Variants in PHF24 observed in about 807,000 individuals in gnomAD.
PHF24 encodes the protein Galpha inhibitory interacting protein.
PHF24 carries 25 observed loss-of-function variants against 42.6 expected under a neutral mutation model. That is an observed-to-expected ratio of 0.59 (90% CI 0.43 to 0.82). The LOEUF is 0.82. Among genes scored for constraint, PHF24 ranks in the 40% least tolerant of loss-of-function variants. The probability of loss-of-function intolerance (pLI) is 0.00; values close to 1 mark genes in which losing one functional copy is unlikely to be tolerated. For missense variants in PHF24, 470 were observed against 538.1 expected, an observed-to-expected ratio of 0.87 and a Z score of 1.25; for synonymous variants, 185 against 204.8, an observed-to-expected ratio of 0.90 and a Z score of 0.83.
At chr9:34,675,407 CAAATTACTCAACTTCTG>C in the PHF24 span, among the ~76,000 whole-genome samples, 1 of 152,150 alleles carries the variant, frequency 6.6e-6, no homozygotes, top group African/African-American at 2.4e-5. Context: ...AGCAAGAAAC[CAAATTACTCAACTTCTG>C]AAAGTCCCTG....
the PHF24 span, among the ~76,000 whole-genome samples, chr9:34,739,386 C>T: frequency 1.3e-5 from 2 of 152,146 alleles, no homozygotes; most frequent in African/African-American, 2.4e-5. Context: ...GCCTTTGATC[C>T]AGCAGTTCCC....
chr9:34,739,957 T>A, the PHF24 span, among the ~76,000 whole-genome samples: 2 of 151,940 alleles, frequency 1.3e-5, no homozygotes, highest in South Asian at 4.2e-4. Flanking sequence ...AGATATAGAG[T>A]GTCCGCACAA....
chr9:34,674,265 C>CT, the PHF24 span, among the ~76,000 whole-genome samples: 1 of 152,190 alleles, frequency 6.6e-6, no homozygotes, highest in Non-Finnish European at 1.5e-5. Context: ...CAAAACTCTG[C>CT]TTTATTACCT....
At chr9:34,822,001 T>C in the PHF24 span, among the ~76,000 whole-genome samples, 2 of 152,232 alleles carry the variant, frequency 1.3e-5, no homozygotes, top group Non-Finnish European at 2.9e-5. Context: ...ACTGATACAA[T>C]CTTCAAGTAG....
chr9:34,680,695 A>T, the PHF24 span, among the ~76,000 whole-genome samples: 34,052 of 109,518 alleles, frequency 0.31, 4,195 homozygotes, highest in South Asian at 0.44. Flanking sequence ...CTCAAAAAAA[A>T]AAATAAATAA....
the PHF24 span, among the ~76,000 whole-genome samples, chr9:34,855,446 A>G: frequency 1.3e-5 from 2 of 152,170 alleles, no homozygotes; most frequent in East Asian, 1.9e-4. Context: ...GCTTATTTCA[A>G]GAGCTCTTGC....
chr9:34,686,584 G>A, the PHF24 span, among the ~76,000 whole-genome samples: 1 of 152,224 alleles, frequency 6.6e-6, no homozygotes, highest in African/African-American at 2.4e-5. Flanking sequence ...ATAGGAAAGG[G>A]AGATTTTCAT....
At chr9:34,922,265 T>C in the PHF24 span, 3 of 1,592,586 alleles carry the variant, frequency 1.9e-6, no homozygotes, top group African/African-American at 1.3e-5. Flanking sequence ...CTCTCAGTAA[T>C]TGCATTATTA....
chr9:34,952,830 A>G (rs1318528853), upstream of PHF24, among the ~76,000 whole-genome samples: 1 of 152,244 alleles, frequency 6.6e-6, no homozygotes, highest in Non-Finnish European at 1.5e-5. Context: ...ACCTGTGATC[A>G]TGAACAACTG....
chr9:34,881,454 A>T, the PHF24 span, among the ~76,000 whole-genome samples: 1 of 152,220 alleles, frequency 6.6e-6, no homozygotes, highest in East Asian at 1.9e-4. Context: ...CAAAATTGAT[A>T]TACTGCTAGC....
At chr9:34,728,653 C>T in the PHF24 span, 1 of 1,551,496 alleles carries the variant, frequency 6.4e-7, no homozygotes, top group Admixed American at 2.0e-5. Context: ...TTTTTGGTGA[C>T]ACTTAGAAGA....
chr9:34,908,014 TG>T, the PHF24 span, among the ~76,000 whole-genome samples: 1 of 152,070 alleles, frequency 6.6e-6, no homozygotes, highest in Non-Finnish European at 1.5e-5. Flanking sequence ...GGCTAATTTT[TG>T]TATTTTTAGT....
At chr9:34,947,627 G>A in the PHF24 span, among the ~76,000 whole-genome samples, 6 of 152,274 alleles carry the variant, frequency 3.9e-5, no homozygotes, top group African/African-American at 1.2e-4. Flanking sequence ...AGAAGGCATT[G>A]TTGTCATGGG....
At chr9:34,765,444 C>T in the PHF24 span, among the ~76,000 whole-genome samples, 1 of 150,534 alleles carries the variant, frequency 6.6e-6, no homozygotes, top group Admixed American at 6.7e-5. Flanking sequence ...GATCCCTTTC[C>T]CATTATGTAA....
the PHF24 span, chr9:34,725,696 G>C: frequency 6.5e-7 from 1 of 1,529,442 alleles, no homozygotes; most frequent in Non-Finnish European, 8.8e-7. Flanking sequence ...CTCAGCCAGA[G>C]TCAGAAATGG....
chr9:34,739,879 C>T, the PHF24 span, among the ~76,000 whole-genome samples: 4 of 152,096 alleles, frequency 2.6e-5, no homozygotes, highest in African/African-American at 4.8e-5. Context: ...TTTGACAGGG[C>T]GCTGATTGGT....
upstream of PHF24, chr9:34,958,255 G>GCCTCCT (rs1554657792): frequency 1.0e-4 from 16 of 153,130 alleles, no homozygotes; most frequent in Admixed American, 5.5e-4. The surrounding 1 kb of genome is among the most constrained non-coding windows in gnomAD (Gnocchi z 4.5). Flanking sequence ...CGCCGCCGCC[G>GCCTCCT]CCTCCTCAGC....
the PHF24 span, among the ~76,000 whole-genome samples, chr9:34,765,153 G>T: frequency 1.3e-5 from 2 of 151,700 alleles, no homozygotes; most frequent in Non-Finnish European, 2.9e-5. Flanking sequence ...GTGTGGTGTG[G>T]TGCTGAAAAA....
At chr9:34,922,504 C>G in the PHF24 span, 3 of 1,193,264 alleles carry the variant, frequency 2.5e-6, no homozygotes, top group Non-Finnish European at 3.8e-6. Flanking sequence ...TCCACAGTCC[C>G]TTTCTTATCA....
Sources: allele counts gnomAD v4.1 joint callset (sites outside exome capture counted in the v4.1 genomes callset), GRCh38; gene constraint gnomAD v4.1.1; non-coding constraint Gnocchi (gnomAD v3.1); transcripts MANE v1.5; gene names NCBI Gene and HGNC (gene_info 2026-07-23, HGNC 2026-07-21).